The following NLGN1 variants were observed in gnomAD, a reference collection of about 807,000 sequenced individuals.
NLGN1 encodes neuroligin 1, also known as neuroligin-1.
Under a neutral mutation model 65.5 loss-of-function variants are expected in NLGN1, and 12 were observed. The observed-to-expected ratio is 0.18, with a 90% CI of 0.12 to 0.30. NLGN1 has a LOEUF of 0.30. Ranked by LOEUF, NLGN1 falls within the 10% of genes least tolerant of loss-of-function variation. The probability of loss-of-function intolerance (pLI) is 1.00; values close to 1 mark genes in which losing one functional copy is unlikely to be tolerated. For synonymous variants in NLGN1, 350 were observed against 359.5 expected (o/e 0.97, Z 0.30); for missense variants, 750 against 1,007.1 (o/e 0.74, Z 3.46).
chr3:173,828,806 C>T (rs1721882100), intron 4 of NLGN1, among the ~76,000 whole-genome samples: 1 of 151,868 alleles, frequency 6.6e-6, no homozygotes, highest in Admixed American at 6.6e-5. Context: ...AGAAATTAAA[C>T]AGAGATAGGA....
At chr3:173,404,957 T>C (rs1417001889) in intron 1 of NLGN1, among the ~76,000 whole-genome samples, 2 of 152,128 alleles carry the variant, frequency 1.3e-5, no homozygotes, top group Non-Finnish European at 2.9e-5. Flanking sequence ...CTTTATATTT[T>C]TATAAAGGAG....
chr3:173,839,712 C>T (rs1380773550), intron 4 of NLGN1, among the ~76,000 whole-genome samples: 2 of 152,104 alleles, frequency 1.3e-5, no homozygotes. Context: ...TGAGCCGCTG[C>T]GCCCAGCCGA....
intron 4 of NLGN1, among the ~76,000 whole-genome samples, chr3:174,064,226 G>T (rs1183094900): frequency 2.0e-5 from 3 of 151,878 alleles, no homozygotes; most frequent in Admixed American, 2.0e-4. Flanking sequence ...CATATAGAAA[G>T]CTTCATGAAG....
At chr3:173,737,337 A>G (rs1346786395) in intron 3 of NLGN1, among the ~76,000 whole-genome samples, 2 of 152,098 alleles carry the variant, frequency 1.3e-5, no homozygotes, top group Non-Finnish European at 2.9e-5. Flanking sequence ...GAGTTGTGCA[A>G]CCATCACCAC....
chr3:173,640,541 T>A (rs1757245513), intron 3 of NLGN1, among the ~76,000 whole-genome samples: 1 of 152,168 alleles, frequency 6.6e-6, no homozygotes, highest in Non-Finnish European at 1.5e-5. Flanking sequence ...ACCGTAAGGC[T>A]ATTATCATAT....
chr3:173,945,926 AG>A (rs1747062073), intron 4 of NLGN1, among the ~76,000 whole-genome samples: 1 of 152,200 alleles, frequency 6.6e-6, no homozygotes, highest in South Asian at 2.1e-4. Flanking sequence ...AGGTATCTCC[AG>A]GCTGTCAGGG....
At chr3:173,614,311 C>T (rs1379211956) in intron 3 of NLGN1, among the ~76,000 whole-genome samples, 1 of 152,000 alleles carries the variant, frequency 6.6e-6, no homozygotes, top group Non-Finnish European at 1.5e-5. Context: ...TATAGCTACT[C>T]TCAGTAAAGG....
At chr3:174,066,556 C>CTGTGTGTGTGTGTG (rs1176839455) in intron 4 of NLGN1, among the ~76,000 whole-genome samples, 2 of 133,856 alleles carry the variant, frequency 1.5e-5, no homozygotes, top group African/African-American at 6.2e-5. Flanking sequence ...CTCTCTCTCT[C>CTGTGTGTGTGTGTG]TCTCTCTCTG....
chr3:173,449,889 GC>G (rs1345056027), intron 2 of NLGN1, among the ~76,000 whole-genome samples: 1 of 152,070 alleles, frequency 6.6e-6, no homozygotes, highest in East Asian at 1.9e-4. Context: ...TGCAACCCCT[GC>G]CTTTTTTTGT....
At chr3:173,910,063 A>G (rs1739281342) in intron 4 of NLGN1, among the ~76,000 whole-genome samples, 1 of 151,582 alleles carries the variant, frequency 6.6e-6, no homozygotes, top group Non-Finnish European at 1.5e-5. Context: ...TAAACCCTAA[A>G]CTCTCCTCAG....
At chr3:173,771,899 T>C (rs1779649182) in intron 3 of NLGN1, among the ~76,000 whole-genome samples, 1 of 151,876 alleles carries the variant, frequency 6.6e-6, no homozygotes, top group Admixed American at 6.6e-5. Flanking sequence ...GATCCTAAGA[T>C]AGCTGAGAAT....
intron 4 of NLGN1, among the ~76,000 whole-genome samples, chr3:174,057,449 A>C (rs968625398): frequency 1.3e-5 from 2 of 152,102 alleles, no homozygotes; most frequent in African/African-American, 4.8e-5. Context: ...GAAAGGTGAA[A>C]GCATAATTTA....
At chr3:173,539,550 A>G (rs1349664723) in intron 2 of NLGN1, among the ~76,000 whole-genome samples, 1 of 142,366 alleles carries the variant, frequency 7.0e-6, no homozygotes, top group Admixed American at 7.2e-5. Flanking sequence ...TATATAAAAT[A>G]TATACATAAT....
At chr3:173,931,701 A>G (rs1230505961) in intron 4 of NLGN1, among the ~76,000 whole-genome samples, 1 of 152,138 alleles carries the variant, frequency 6.6e-6, no homozygotes, top group Non-Finnish European at 1.5e-5. Flanking sequence ...GCCTGGGTAG[A>G]AGGAAGGAAA....
intron 2 of NLGN1, among the ~76,000 whole-genome samples, chr3:173,556,224 A>G (rs1741680773): frequency 6.6e-6 from 1 of 151,896 alleles, no homozygotes; most frequent in Non-Finnish European, 1.5e-5. Flanking sequence ...GATGCTATTG[A>G]TCTTTACTTA....
intron 4 of NLGN1, among the ~76,000 whole-genome samples, chr3:173,916,152 C>T (rs2152243163): frequency 6.6e-6 from 1 of 152,228 alleles, no homozygotes; most frequent in South Asian, 2.1e-4. Flanking sequence ...TATAAACTAG[C>T]ACAGTGTTAG....
At chr3:174,257,479 C>T (rs987809054) in intron 4 of NLGN1, among the ~76,000 whole-genome samples, 6 of 152,020 alleles carry the variant, frequency 3.9e-5, no homozygotes, top group Non-Finnish European at 8.8e-5. Flanking sequence ...CAGCACTATT[C>T]GCAAATAGCA....
At chr3:173,710,378 TC>T (rs1177299824) in intron 3 of NLGN1, among the ~76,000 whole-genome samples, 2 of 152,326 alleles carry the variant, frequency 1.3e-5, no homozygotes, top group East Asian at 3.9e-4. Flanking sequence ...TACATAGATT[TC>T]CCAGGATTTA....
At chr3:173,964,917 G>A (rs985611376) in intron 4 of NLGN1, among the ~76,000 whole-genome samples, 1 of 152,162 alleles carries the variant, frequency 6.6e-6, no homozygotes, top group Non-Finnish European at 1.5e-5. Flanking sequence ...GGATTTTGTG[G>A]TAGCTGTTCA....
Sources: allele counts gnomAD v4.1 joint callset (sites outside exome capture counted in the v4.1 genomes callset), GRCh38; gene constraint gnomAD v4.1.1; transcripts MANE v1.5; gene names NCBI Gene and HGNC (gene_info 2026-07-23, HGNC 2026-07-21).